Variants in SPG11 observed in about 807,000 individuals in gnomAD.
SPG11 encodes the protein SPG11 vesicle trafficking associated, spatacsin.
In SPG11, 222 loss-of-function variants were observed where a neutral mutation model predicts 274.0. That is an observed-to-expected ratio of 0.81 (90% confidence interval 0.73 to 0.91). The LOEUF is 0.91. SPG11 is among the 40% of genes least tolerant of loss of function. The probability of loss-of-function intolerance (pLI) is 0.00; values close to 1 mark genes in which losing one functional copy is unlikely to be tolerated. For synonymous variants in SPG11, 1,144 were observed against 1,039.7 expected, an observed-to-expected ratio of 1.10 and a Z score of -1.93; for missense variants, 3,114 against 2,872.7, an observed-to-expected ratio of 1.08 and a Z score of -1.92.
chr15:44,573,136 G>A (rs923263847), intron 32 of SPG11, among the ~76,000 whole-genome samples: 8 of 150,698 alleles, frequency 5.3e-5, no homozygotes, highest in African/African-American at 1.5e-4. Context: ...ACAGGTGCCC[G>A]CCAACACGCC....
chr15:44,645,037 C>T (rs984875325), intron 7 of SPG11, among the ~76,000 whole-genome samples: 1 of 152,142 alleles, frequency 6.6e-6, no homozygotes, highest in South Asian at 2.1e-4. Flanking sequence ...TATCAAACTA[C>T]CAATGACATT....
chr15:44,598,425 G>A, intron 22 of SPG11, 52 bp from the exon 23 acceptor site: 1 of 1,535,570 alleles, frequency 6.5e-7, no homozygotes. Flanking sequence ...GTCAAAACCT[G>A]AGCATTTCTG....
intron 6 of SPG11, among the ~76,000 whole-genome samples, chr15:44,650,730 T>G (rs949788684): frequency 6.6e-6 from 1 of 151,960 alleles, no homozygotes; most frequent in Non-Finnish European, 1.5e-5. Flanking sequence ...GGAATGCAGA[T>G]CCAGTGTTGC....
chr15:44,634,229 AATATTAGGG>A (rs1360011600), intron 7 of SPG11, among the ~76,000 whole-genome samples: 1 of 152,166 alleles, frequency 6.6e-6, no homozygotes, highest in East Asian at 1.9e-4. Context: ...TTCAAAGCTA[AATATTAGGG>A]ATTACCCTTA....
intron 11 of SPG11, among the ~76,000 whole-genome samples, chr15:44,623,317 C>G (rs2083806694): frequency 2.6e-5 from 4 of 152,098 alleles, no homozygotes; most frequent in African/African-American, 7.2e-5. Flanking sequence ...AGAGCAAAGG[C>G]AGCACACAGA....
chr15:44,584,226 T>G lies in SPG11; in HGVS notation c.5454A>C (p.Thr1818=). Residue 1818 remains threonine, a synonymous_variant, in exon 30 of 40, where the codon ACA becomes ACC. Transcript: ENST00000261866. ...AGATCTGTCGAGAAAATCTGGGCTC[T>G]GTTTCCTCCTGATTTCTTCCAAGAG... The part of the protein sequence containing the change: ...QHTLGRNQEE[T]EPRFSRQIST... The G allele has an allele frequency of 1.9e-6, 3 of 1,614,242 alleles. No individual in the cohort carries two copies. The highest frequency in any genetic ancestry group is 2.5e-6 in the Non-Finnish European group (3 of 1,180,034).
chr15:44,579,635 C>CA (rs1329459463), intron 30 of SPG11, among the ~76,000 whole-genome samples: 1 of 150,504 alleles, frequency 6.6e-6, no homozygotes, highest in Non-Finnish European at 1.5e-5. Flanking sequence ...AATCATCTGA[C>CA]AAAGAATTTA....
At chr15:44,653,910 A>C (rs984703342) in intron 4 of SPG11, among the ~76,000 whole-genome samples, 2 of 152,186 alleles carry the variant, frequency 1.3e-5, no homozygotes. Context: ...AAATTTGTAA[A>C]GATTTGCAAC....
At chr15:44,597,300 C>T (rs1471428390) in intron 23 of SPG11, 7 of 273,234 alleles carry the variant, frequency 2.6e-5, no homozygotes, top group East Asian at 1.9e-4. Flanking sequence ...TTACTAAAGA[C>T]GGGGTTTCTC....
At chr15:44,610,539 C>T (rs2083434334) in intron 18 of SPG11, among the ~76,000 whole-genome samples, 3 of 151,898 alleles carry the variant, frequency 2.0e-5, no homozygotes, top group South Asian at 2.1e-4. Context: ...TGCGCCAAGA[C>T]GCCCAGTGAA....
intron 3 of SPG11, 113 bp from the exon 4 acceptor site, chr15:44,657,409 G>A: frequency 1.1e-6 from 1 of 940,498 alleles, no homozygotes; most frequent in Admixed American, 2.2e-5. Flanking sequence ...AGGTATAACA[G>A]AAGAAGACTG....
Position 44,600,479 on chromosome 15 carries a change from G to A in SPG11, c.3674C>T (p.Thr1225Ile). The A allele has an allele frequency of 6.2e-7, 1 of 1,614,028 alleles. No individual in the cohort carries two copies. Among genetic ancestry groups the A allele is most frequent in the Non-Finnish European group, 8.5e-7 (1 of 1,179,970 alleles). ...TTTAAATACTCACAGCTGCTTGGGA[G>A]TCTTGCTCTTGATTAATTCCTGGAC... ...FLVQELIKSK[T>I]PKQLIQQVGN... The change falls in exon 21 of 40, where the codon ACT becomes ATT. Residue 1225 changes from threonine (T) to isoleucine (I), a missense_variant. By Grantham distance (89) the Thr-to-Ile change is moderately conservative. Coordinates refer to ENST00000261866, the MANE Select transcript of SPG11 (RefSeq NM_025137.4).
intron 7 of SPG11, among the ~76,000 whole-genome samples, chr15:44,647,449 C>G (rs534115327): frequency 1.5e-4 from 23 of 152,206 alleles, no homozygotes; most frequent in African/African-American, 5.5e-4. Flanking sequence ...TATGTCAACA[C>G]AAAAACTTGT....
intron 8 of SPG11, among the ~76,000 whole-genome samples, chr15:44,632,525 T>C (rs2084099739): frequency 6.6e-6 from 1 of 151,990 alleles, no homozygotes; most frequent in South Asian, 2.1e-4. Flanking sequence ...GAATTTTTTT[T>C]TTTTTTTTGA....
At position 44,575,023 on chromosome 15, in the gene SPG11, T is replaced by C. The variant is rs1361495495; in HGVS notation, c.5885A>G (p.Gln1962Arg). The change falls in exon 31 of 40, where the codon CAG becomes CGG. Residue 1962 changes from glutamine (Q) to arginine (R), a missense_variant. By Grantham distance (43) the Gln-to-Arg change is conservative (BLOSUM62 1). Transcript: ENST00000261866. The stretch of plus-strand genomic sequence containing the variant: ...ACTGGAGGGCACTGTCACAAACTTC[T>C]GACTATCCAGACTTGAAGCTGGAAG... Reference protein sequence around the residue: ...RVHSTSSLDSQKFVTVPSSNE... With the variant: ...RVHSTSSLDSRKFVTVPSSNE... 1 of 1,613,920 alleles carries C rather than the reference T, an allele frequency of 6.2e-7. No individual in the cohort carries two copies. Among genetic ancestry groups the C allele is most frequent in the Non-Finnish European group, 8.5e-7 (1 of 1,180,028 alleles).
At chr15:44,626,801 G>A (rs1299591431) in intron 10 of SPG11, among the ~76,000 whole-genome samples, 1 of 152,034 alleles carries the variant, frequency 6.6e-6, no homozygotes, top group African/African-American at 2.4e-5. Context: ...TAAGAAGGAT[G>A]ACCACCCCCA....
rs199707089 is a variant in SPG11 at position 44,621,895 on chromosome 15, A to G, written c.2484T>C (p.Ser828=). ...IKEQDFFKHK[S]VLDSFLKYDC... is the part of the protein sequence containing the mutation. ...CATATTTCAGGAATGAGTCCAAAAC[A>G]GACTTGTGCTTGAAAAAATCTTGTT... The change falls in exon 14 of 40, where the codon TCT becomes TCC. Residue 828 remains serine, a synonymous_variant. Coordinates refer to ENST00000261866, the MANE Select transcript of SPG11 (RefSeq NM_025137.4). The G allele has an allele frequency of 6.6e-5, 106 of 1,613,788 alleles. No homozygotes were observed. Among genetic ancestry groups the G allele is most frequent in the Non-Finnish European group, 8.6e-5 (101 of 1,179,908 alleles).
chr15:44,660,708 C>T lies in SPG11; in HGVS notation c.258-92G>A, dbSNP rs975804435. ...GTAGAAGGGTTGAATAAGTAGAGAA[C>T]AGTTTAGTTGACCTGGTATAGTCAT... On this transcript the variant is annotated intron_variant, in intron 1 of 39. Coordinates refer to ENST00000261866, the MANE Select transcript of SPG11 (RefSeq NM_025137.4). The T allele has an allele frequency of 9.2e-6, 11 of 1,201,912 alleles. No individual in the cohort carries two copies. In the African/African-American group the frequency reaches 1.7e-4, roughly 18 times the overall value. 74.5% of individuals were successfully genotyped at this position (1,201,912 alleles called of 1,614,324 possible). A position where few individuals can be genotyped will look rare whatever the true frequency, so the allele number is the denominator to read the frequency against.
Position 44,663,384 on chromosome 15 carries a change from C to T in SPG11, c.257+7G>A, listed in dbSNP as rs1595944726. 1.2e-6 allele frequency: 2 copies of T among 1,606,022 alleles called. No homozygotes were observed. The highest frequency in any genetic ancestry group is 1.1e-5 in the South Asian group (1 of 89,782). ...CCCCAACGGCCCAACTCTCCCTCAG[C>T]ACTTACTGCCAGAAGGGGCCCTCCA... is the stretch of plus-strand genomic sequence containing the variant. On this transcript the variant is annotated splice_region_variant and intron_variant, in intron 1 of 39. Transcript: ENST00000261866.
Sources: gnomAD v4.1 joint callset for allele counts (sites outside exome capture counted in the v4.1 genomes callset) on GRCh38, gnomAD v4.1.1 for gene constraint, MANE v1.5 for transcripts, NCBI Gene and HGNC (gene_info 2026-07-23, HGNC 2026-07-21) for gene names.